The following CACNB3 variants were observed in gnomAD, a reference collection of about 807,000 sequenced individuals.
The protein encoded by CACNB3 is voltage-dependent L-type calcium channel subunit beta-3.
In CACNB3, 36 loss-of-function variants were observed where a neutral mutation model predicts 63.7. That is an observed-to-expected ratio of 0.57 (90% CI 0.43 to 0.75). The LOEUF (loss-of-function observed/expected upper bound fraction) is 0.75, where lower values mean the gene tolerates loss of function less well. Among genes scored for constraint, CACNB3 ranks in the 30% least tolerant of loss-of-function variants. The pLI, the probability that CACNB3 is intolerant of heterozygous loss-of-function variation, is 0.00. For synonymous variants in CACNB3, 241 were observed against 250.6 expected (o/e 0.96, Z 0.36); for missense variants, 493 against 648.6 (o/e 0.76, Z 2.61).
In CACNB3 at chr12:48,826,407, C is replaced by T. The variant is rs1592192665; in HGVS notation, c.783C>T (p.Ala261=). 2.5e-6 allele frequency: 4 copies of T among 1,614,130 alleles called. No individual in the cohort carries two copies. In the East Asian group the frequency reaches 8.9e-5, roughly 36 times the overall value. The change falls in exon 10 of 13, where the codon GCC becomes GCT. Residue 261 remains alanine, a synonymous_variant. Transcript: ENST00000301050. The surrounding 1 kb of genome is among the most constrained non-coding windows in gnomAD (Gnocchi z 4.8). Reference sequence around the variant, plus strand: ...AGATCGAGCGCATATTTGAGCTGGCCAAATCCCTGCAGCTAGTAGTGTTGG... The same window carrying T: ...AGATCGAGCGCATATTTGAGCTGGCTAAATCCCTGCAGCTAGTAGTGTTGG... The part of the protein sequence containing the change: ...QSEIERIFEL[A]KSLQLVVLDA...
Position 48,823,407 on chromosome 12 carries a change from C to G in CACNB3, c.109C>G (p.Arg37Gly). Reference protein sequence around the residue: ...LDSDVSLEEDRESARREVESQ... With the variant: ...LDSDVSLEEDGESARREVESQ... ...CTCAGACGTCTCCCTGGAGGAGGAC[C>G]GGGAGAGTGCCCGGCGTGAAGTAGA... is the stretch of plus-strand genomic sequence containing the variant. The change falls in exon 2 of 13, where the codon CGG becomes GGG. Residue 37 changes from arginine to glycine, a missense_variant. By Grantham distance (125) the Arg-to-Gly change is moderately radical. Coordinates refer to ENST00000301050, the MANE Select transcript of CACNB3 (RefSeq NM_000725.4). The surrounding 1 kb of genome is among the most constrained non-coding windows in gnomAD (Gnocchi z 4.2). 1 of 1,614,074 alleles carries G rather than the reference C, an allele frequency of 6.2e-7. No homozygotes were observed. Among genetic ancestry groups the G allele is most frequent in the Non-Finnish European group, 8.5e-7 (1 of 1,179,968 alleles).
upstream of CACNB3, chr12:48,815,381 C>A: frequency 4.3e-6 from 2 of 464,906 alleles, no homozygotes; most frequent in Non-Finnish European, 3.8e-6. Context: ...CAGTGGGAGG[C>A]ACACGGAAAA....
chr12:48,814,970 A>G, upstream of CACNB3: 1 of 179,778 alleles, frequency 5.6e-6, no homozygotes, highest in South Asian at 1.7e-4. This position sits in a 1 kb window ranked among gnomAD's most constrained non-coding sequence, Gnocchi z 6.9. Context: ...GAGACGGCAG[A>G]GACTCCGCGG....
Position 48,825,025 on chromosome 12 carries a change from G to T in CACNB3, c.492+57G>T. ...ATCATGGCTTATGGCTCTGGGGACA[G>T]TGTTCTAGGCAGTCATTGTTGGAGG... On this transcript the variant is annotated intron_variant, in intron 6 of 12. Transcript: ENST00000301050. This position sits in a 1 kb window ranked among gnomAD's most constrained non-coding sequence, Gnocchi z 4.5. 5 of 1,555,092 alleles carry T rather than the reference G, an allele frequency of 3.2e-6. No individual in the cohort carries two copies. The highest frequency in any genetic ancestry group is 4.4e-6 in the Non-Finnish European group (5 of 1,146,792).
At position 48,828,784 on chromosome 12, in the gene CACNB3, C is replaced by T. The variant is rs1374459579; in HGVS notation, c.*885C>T. 8.8e-6 allele frequency: 4 copies of T among 456,260 alleles called. No homozygotes were observed. Among genetic ancestry groups the T allele is most frequent in the East Asian group, 6.9e-5 (1 of 14,402 alleles). The allele number at this position is 456,260 out of a possible 1,614,324, so 28.3% of individuals were successfully genotyped here. ...ACTTTGTTCCCTGACTCATAGCTGC[C>T]GCTTGTTAGGTTAGGGTTAGATGGG... On this transcript the variant is annotated 3_prime_UTR_variant, in exon 13 of 13. Coordinates refer to ENST00000301050, the MANE Select transcript of CACNB3 (RefSeq NM_000725.4).
intron 3 of CACNB3, chr12:48,824,042 T>C: frequency 3.0e-6 from 2 of 666,080 alleles, no homozygotes; most frequent in Non-Finnish European, 5.1e-6. Flanking sequence ...ATTAGCTGCC[T>C]CCGAGGTCCC....
chr12:48,818,331 G>GC (rs1377311852), upstream of CACNB3: 1 of 386,656 alleles, frequency 2.6e-6, no homozygotes, highest in Non-Finnish European at 3.5e-6. This position sits in a 1 kb window ranked among gnomAD's most constrained non-coding sequence, Gnocchi z 4.3. Context: ...TCCAGTCTCC[G>GC]CCCGGGTCGC....
upstream of CACNB3, chr12:48,818,484 G>A (rs556918463): frequency 4.6e-4 from 454 of 996,844 alleles, no homozygotes; most frequent in Middle Eastern, 1.0e-3. This position sits in a 1 kb window ranked among gnomAD's most constrained non-coding sequence, Gnocchi z 4.3. Flanking sequence ...CGCCCTGCCC[G>A]CAGCCTCTCC....
chr12:48,818,959 T>G lies in CACNB3; in HGVS notation c.30T>G (p.Phe10Leu). The G allele has an allele frequency of 6.2e-7, 1 of 1,604,316 alleles. No individual in the cohort carries two copies. Among genetic ancestry groups the G allele is most frequent in the Non-Finnish European group, 8.5e-7 (1 of 1,175,864 alleles). Residue 10 changes from phenylalanine to leucine, a missense_variant, in exon 1 of 13, where the codon TTT becomes TTG. Transcript: ENST00000301050. The surrounding 1 kb of genome is among the most constrained non-coding windows in gnomAD (Gnocchi z 4.3). ...ATGACGACTCCTACGTGCCCGGGTTTGAGGACTCGGAGGCGGTGAGTGCCC... is the reference window on the plus strand; with the variant it reads ...ATGACGACTCCTACGTGCCCGGGTTGGAGGACTCGGAGGCGGTGAGTGCCC... MYDDSYVPG[F>L]EDSEAGSADS...
upstream of CACNB3, chr12:48,814,626 C>G (rs2137428687): frequency 2.2e-5 from 31 of 1,410,456 alleles, no homozygotes; most frequent in South Asian, 4.2e-4. This position sits in a 1 kb window ranked among gnomAD's most constrained non-coding sequence, Gnocchi z 6.9. Flanking sequence ...ATAAGTAGAG[C>G]GCAGCCTGGG....
rs746290663 is a variant in CACNB3 at position 48,823,646 on chromosome 12, C to T, written c.169-35C>T. 1 of 1,613,808 alleles carries T rather than the reference C, an allele frequency of 6.2e-7. No individual in the cohort carries two copies. The highest frequency in any genetic ancestry group is 1.3e-5 in the African/African-American group (1 of 74,886). ...TGAAGCTGGAAGGGGTGCTTCGAGC[C>T]TTCTCTCACTTGCACTAATGGGCAA... On this transcript the variant is annotated intron_variant, in intron 2 of 12. Transcript: ENST00000301050. This position sits in a 1 kb window ranked among gnomAD's most constrained non-coding sequence, Gnocchi z 4.2.
chr12:48,824,205 G>T, intron 3 of CACNB3, 53 bp from the exon 4 acceptor site: 2 of 1,442,116 alleles, frequency 1.4e-6, no homozygotes, highest in Admixed American at 3.9e-5. Context: ...GAAGAGCCAG[G>T]ACTGGGGCGG....
intron 1 of CACNB3, among the ~76,000 whole-genome samples, chr12:48,822,620 C>T (rs911903988): frequency 6.6e-6 from 1 of 152,154 alleles, no homozygotes; most frequent in Admixed American, 6.5e-5. Flanking sequence ...GCTTTGTGTT[C>T]TTGGTCTGTG....
In CACNB3 at chr12:48,826,537, T is replaced by C. The variant is rs1331691190; in HGVS notation, c.894+19T>C. Reference sequence around the variant, plus strand: ...ACCAAAGGTAAGTCAGCTGGGCTCATGGAGGAGGCCCACAGGGCTATCCTA... The same window carrying C: ...ACCAAAGGTAAGTCAGCTGGGCTCACGGAGGAGGCCCACAGGGCTATCCTA... On this transcript the variant is annotated intron_variant, in intron 10 of 12. Transcript: ENST00000301050. This position sits in a 1 kb window ranked among gnomAD's most constrained non-coding sequence, Gnocchi z 4.8. 1.2e-6 allele frequency: 2 copies of C among 1,613,374 alleles called. No individual in the cohort carries two copies. Among genetic ancestry groups the C allele is most frequent in the East Asian group, 2.2e-5 (1 of 44,876 alleles).
chr12:48,825,098 C>T lies in CACNB3; in HGVS notation c.493-65C>T, dbSNP rs748086990. On this transcript the variant is annotated intron_variant, in intron 6 of 12. Transcript: ENST00000301050. This position sits in a 1 kb window ranked among gnomAD's most constrained non-coding sequence, Gnocchi z 4.5. ...CCCAGAACCTCTGGATCTGCCCTGA[C>T]GCCAACCAGGCATGAGACAGGCACC... 29 of 1,593,608 alleles carry T rather than the reference C, an allele frequency of 1.8e-5. No individual in the cohort carries two copies. Among genetic ancestry groups the T allele is most frequent in the South Asian group, 1.3e-4 (12 of 90,542 alleles).
chr12:48,822,709 G>A (rs764419517), intron 1 of CACNB3, among the ~76,000 whole-genome samples: 7 of 152,178 alleles, frequency 4.6e-5, no homozygotes, highest in South Asian at 4.1e-4. Context: ...GAGAGCAAAG[G>A]GGAGGTAACT....
chr12:48,825,313 T>TGG lies in CACNB3; in HGVS notation c.573+71_573+72dup. 6.3e-7 allele frequency: 1 copy of TGG among 1,575,252 alleles called. No homozygotes were observed. The highest frequency in any genetic ancestry group is 8.7e-7 in the Non-Finnish European group (1 of 1,146,222). ...TGCCACAGGAAGTCCCTAGGGAAAGTGGAAGGGGTGTGTCTCCTCCGTCCA... is the reference window on the plus strand; with the variant it reads ...TGCCACAGGAAGTCCCTAGGGAAAGTGGGGAAGGGGTGTGTCTCCTCCGTCCA... On this transcript the variant is annotated intron_variant, in intron 7 of 12. Transcript: ENST00000301050. The surrounding 1 kb of genome is among the most constrained non-coding windows in gnomAD (Gnocchi z 4.5).
At chr12:48,819,060 A>G in intron 1 of CACNB3, 86 bp downstream of exon 1, 1 of 1,425,146 alleles carries the variant, frequency 7.0e-7, no homozygotes. Context: ...CAGGACTTTG[A>G]AAAACGCCTC....
intron 1 of CACNB3, chr12:48,819,562 T>C: frequency 2.6e-6 from 1 of 381,976 alleles, no homozygotes; most frequent in Non-Finnish European, 5.3e-6. Flanking sequence ...TCTAGCCCAG[T>C]TTCTCTCCCA....
Sources: allele counts gnomAD v4.1 joint callset (sites outside exome capture counted in the v4.1 genomes callset), GRCh38; gene constraint gnomAD v4.1.1; non-coding constraint Gnocchi (gnomAD v3.1); transcripts MANE v1.5; gene names NCBI Gene and HGNC (gene_info 2026-07-23, HGNC 2026-07-21).